Variants in GTPBP10 observed in about 807,000 individuals in gnomAD.
GTPBP10 encodes the protein GTP-binding protein 10.
A neutral mutation model predicts 44.8 loss-of-function variants in GTPBP10; 38 were observed. The ratio of observed to expected loss-of-function variants is 0.85; its 90% CI spans 0.65 to 1.11. GTPBP10 has a LOEUF of 1.11. GTPBP10 is among the 50% of genes most tolerant of loss of function. GTPBP10 has a pLI of 0.00. For synonymous variants in GTPBP10, 152 were observed against 150.6 expected (o/e 1.01, Z -0.07); for missense variants, 462 against 453.7 (o/e 1.02, Z -0.17).
At chr7:90,350,129 C>G (rs1459858407) in intron 1 of GTPBP10, among the ~76,000 whole-genome samples, 3 of 152,076 alleles carry the variant, frequency 2.0e-5, no homozygotes, top group Non-Finnish European at 4.4e-5. Flanking sequence ...CCCAAGTGTT[C>G]TCATTGTTCA....
intron 1 of GTPBP10, among the ~76,000 whole-genome samples, chr7:90,347,799 G>T (rs1795708424): frequency 6.6e-6 from 1 of 152,182 alleles, no homozygotes; most frequent in African/African-American, 2.4e-5. Flanking sequence ...ATGACGTTTA[G>T]GTGGATTTAT....
intron 4 of GTPBP10, among the ~76,000 whole-genome samples, chr7:90,369,904 T>A (rs1172765767): frequency 1.3e-5 from 2 of 152,174 alleles, no homozygotes; most frequent in Non-Finnish European, 2.9e-5. Flanking sequence ...TCTGTGTCGA[T>A]CTTGCTGGGA....
intron 4 of GTPBP10, among the ~76,000 whole-genome samples, chr7:90,359,253 G>A (rs200980106): frequency 1.3e-5 from 2 of 151,692 alleles, no homozygotes; most frequent in East Asian, 1.9e-4. Context: ...CCATCAACTC[G>A]TCATTTACAT....
intron 6 of GTPBP10, 105 bp downstream of exon 6, chr7:90,374,459 GAAAAA>G: frequency 1.4e-6 from 1 of 694,780 alleles, no homozygotes; most frequent in South Asian, 1.7e-5. Flanking sequence ...TGTTAGGGGA[GAAAAA>G]GTAACAAGAT....
intron 8 of GTPBP10, among the ~76,000 whole-genome samples, chr7:90,379,812 C>T (rs1452199092): frequency 1.3e-5 from 2 of 152,162 alleles, no homozygotes; most frequent in Admixed American, 6.5e-5. Context: ...CCAATTTTTC[C>T]ACATGAATGT....
chr7:90,350,918 T>C (rs1224309549), intron 1 of GTPBP10, among the ~76,000 whole-genome samples: 1 of 152,214 alleles, frequency 6.6e-6, no homozygotes, highest in African/African-American at 2.4e-5. Flanking sequence ...AGTGGCACTT[T>C]GTATGGGTTC....
chr7:90,377,840 A>G (rs1343794811), intron 7 of GTPBP10: 5 of 247,872 alleles, frequency 2.0e-5, no homozygotes, highest in Non-Finnish European at 2.6e-5. Flanking sequence ...CATATTATAT[A>G]GTATCATAGT....
intron 4 of GTPBP10, among the ~76,000 whole-genome samples, chr7:90,360,354 A>G (rs1238953974): frequency 1.3e-5 from 2 of 152,228 alleles, no homozygotes; most frequent in Non-Finnish European, 2.9e-5. Flanking sequence ...AGCTTTCTAC[A>G]TATGGCTAGC....
chr7:90,361,226 G>A (rs1019527990), intron 4 of GTPBP10, among the ~76,000 whole-genome samples: 10 of 152,106 alleles, frequency 6.6e-5, no homozygotes, highest in African/African-American at 2.2e-4. Flanking sequence ...TTCAAAGGGA[G>A]TGCTTCCAGT....
intron 1 of GTPBP10, among the ~76,000 whole-genome samples, chr7:90,350,524 T>G (rs1326053105): frequency 6.6e-6 from 1 of 152,232 alleles, no homozygotes; most frequent in Admixed American, 6.5e-5. Flanking sequence ...AAATCATCCT[T>G]TGCTGGCAAT....
At chr7:90,350,373 G>A (rs1243889321) in intron 1 of GTPBP10, among the ~76,000 whole-genome samples, 2 of 152,228 alleles carry the variant, frequency 1.3e-5, no homozygotes, top group African/African-American at 2.4e-5. Flanking sequence ...ACGTGTGCAT[G>A]TGTCTTTATA....
At chr7:90,373,587 C>A (rs557350281) in intron 5 of GTPBP10, among the ~76,000 whole-genome samples, 73 of 152,082 alleles carry the variant, frequency 4.8e-4, no homozygotes, top group Non-Finnish European at 7.2e-4. Context: ...GAAGGAAGAG[C>A]AAAAAGTCAT....
rs7779628 is a variant in GTPBP10 at position 90,377,944 on chromosome 7, T to A, written c.700-190T>A. 94,569 of 503,310 alleles carry A rather than the reference T, an allele frequency of 0.19. 9,868 individuals are homozygous for A. The highest frequency in any genetic ancestry group is 0.21 in the Non-Finnish European group (82,184 of 388,492). The allele number at this position is 503,310 out of a possible 1,614,324, so 31.2% of individuals were successfully genotyped here. On this transcript the variant is annotated intron_variant, in intron 7 of 9. Transcript: ENST00000222511. ...CCTAGTTTTTTATTTTATTAATAAC[T>A]GTAATTTTATCAGAATAATTAAAGT...
At chr7:90,365,368 CTTTTTTT>C (rs59645149) in intron 4 of GTPBP10, among the ~76,000 whole-genome samples, 64 of 90,366 alleles carry the variant, frequency 7.1e-4, no homozygotes, top group Non-Finnish European at 1.0e-3. Context: ...TTGGGGTTTT[CTTTTTTT>C]TTTTTTTTTT....
At chr7:90,363,950 G>A (rs972848796) in intron 4 of GTPBP10, among the ~76,000 whole-genome samples, 9 of 152,080 alleles carry the variant, frequency 5.9e-5, no homozygotes, top group African/African-American at 1.2e-4. Context: ...TTGTGCATTC[G>A]TCACATAGTT....
chr7:90,391,215 C>A lies in GTPBP10; in HGVS notation c.*6061C>A, dbSNP rs2115818741. The A allele has an allele frequency of 6.6e-6, 1 of 152,142 alleles. No individual in the cohort carries two copies. Among genetic ancestry groups the A allele is most frequent in the Middle Eastern group, 3.4e-3 (1 of 294 alleles). The allele number at this position is 152,142 out of a possible 1,614,324, so 9.4% of individuals were successfully genotyped here. On this transcript the variant is annotated 3_prime_UTR_variant, in exon 10 of 10. Coordinates refer to ENST00000222511, the MANE Select transcript of GTPBP10 (RefSeq NM_033107.4). ...ACTCCCCCATGATTTCCTCATGTTGCTTAGAATAGTGTGTATTTCAGAACT... is the reference window on the plus strand; with the variant it reads ...ACTCCCCCATGATTTCCTCATGTTGATTAGAATAGTGTGTATTTCAGAACT...
chr7:90,380,224 A>G (rs1166319388), intron 8 of GTPBP10, among the ~76,000 whole-genome samples: 2 of 151,910 alleles, frequency 1.3e-5, no homozygotes, highest in Non-Finnish European at 2.9e-5. Context: ...GATTACAGGC[A>G]TGTGCCACCA....
chr7:90,376,235 AAAAAG>A (rs1301598808), intron 6 of GTPBP10, among the ~76,000 whole-genome samples: 4 of 152,130 alleles, frequency 2.6e-5, no homozygotes, highest in African/African-American at 4.8e-5. Context: ...ACTCTCTCAA[AAAAAG>A]AAAAGAAAAG....
At chr7:90,381,932 T>C (rs1418423484) in intron 8 of GTPBP10, among the ~76,000 whole-genome samples, 1 of 152,082 alleles carries the variant, frequency 6.6e-6, no homozygotes, top group Non-Finnish European at 1.5e-5. Context: ...GATTAAAGAC[T>C]TAAAGCCTGA....
Sources: allele counts gnomAD v4.1 joint callset (sites outside exome capture counted in the v4.1 genomes callset), GRCh38; gene constraint gnomAD v4.1.1; transcripts MANE v1.5; gene names NCBI Gene and HGNC (gene_info 2026-07-23, HGNC 2026-07-21).